Variants in ABHD12 observed in about 807,000 individuals in gnomAD.
ABHD12 encodes the protein lysophosphatidylserine lipase ABHD12.
A neutral mutation model predicts 58.3 loss-of-function variants in ABHD12; 43 were observed. That is an observed-to-expected ratio of 0.74 (90% CI 0.58 to 0.95). ABHD12 has a LOEUF of 0.95. ABHD12 is among the 40% of genes least tolerant of loss of function. The pLI is 0.00. For missense variants in ABHD12, 539 were observed against 537.2 expected, an observed-to-expected ratio of 1.00 and a Z score of -0.03; for synonymous variants, 219 against 211.2, an observed-to-expected ratio of 1.04 and a Z score of -0.32.
At chr20:25,390,188 G>T in intron 1 of ABHD12, 1 of 237,144 alleles carries the variant, frequency 4.2e-6, no homozygotes, top group Non-Finnish European at 8.0e-6. Flanking sequence ...GCGGCGCCAA[G>T]CCCCCAGCGT....
intron 1 of ABHD12, among the ~76,000 whole-genome samples, chr20:25,374,978 C>T (rs1320409222): frequency 6.6e-6 from 1 of 152,184 alleles, no homozygotes; most frequent in African/African-American, 2.4e-5. Context: ...ACCCCTAGCA[C>T]TTCAGAATAT....
intron 4 of ABHD12, among the ~76,000 whole-genome samples, chr20:25,319,060 C>T (rs2089017768): frequency 6.6e-6 from 1 of 152,238 alleles, no homozygotes; most frequent in Non-Finnish European, 1.5e-5. Flanking sequence ...ACCCTGGTGC[C>T]ACACGGGACC....
chr20:25,383,494 C>T (rs1359493896), intron 1 of ABHD12, among the ~76,000 whole-genome samples: 1 of 152,174 alleles, frequency 6.6e-6, no homozygotes, highest in Non-Finnish European at 1.5e-5. Flanking sequence ...TGCACATTCC[C>T]AACAATTCCA....
intron 1 of ABHD12, among the ~76,000 whole-genome samples, chr20:25,366,251 A>C (rs2089819389): frequency 6.6e-6 from 1 of 151,698 alleles, no homozygotes; most frequent in South Asian, 2.1e-4. Context: ...TCATATTACA[A>C]AGTCAAATTT....
intron 1 of ABHD12, among the ~76,000 whole-genome samples, chr20:25,378,063 G>T (rs1323048008): frequency 2.0e-5 from 3 of 152,152 alleles, no homozygotes; most frequent in African/African-American, 4.8e-5. Flanking sequence ...TCCAACACAT[G>T]AAATTTTCGG....
chr20:25,381,764 A>G (rs1453669291), intron 1 of ABHD12, among the ~76,000 whole-genome samples: 3 of 151,868 alleles, frequency 2.0e-5, no homozygotes, highest in Non-Finnish European at 2.9e-5. Context: ...TCAGCCTCCC[A>G]GGATTACAGG....
chr20:25,308,307 A>G, intron 8 of ABHD12, 150 bp downstream of exon 8: 2 of 988,772 alleles, frequency 2.0e-6, no homozygotes, highest in Non-Finnish European at 3.1e-6. Context: ...CCTCAGGTGT[A>G]TCATGGGAAG....
intron 1 of ABHD12, chr20:25,368,721 G>A: frequency 8.0e-7 from 1 of 1,250,692 alleles, no homozygotes; most frequent in Non-Finnish European, 1.2e-6. Flanking sequence ...CGCGGCCCAA[G>A]GGCTTGCCTT....
intron 1 of ABHD12, among the ~76,000 whole-genome samples, chr20:25,385,564 T>C (rs2090077980): frequency 6.6e-6 from 1 of 151,942 alleles, no homozygotes; most frequent in Non-Finnish European, 1.5e-5. Flanking sequence ...GAAACAGCAC[T>C]GGCTAGGGTG....
chr20:25,363,213 A>C (rs1232118818), intron 1 of ABHD12, among the ~76,000 whole-genome samples: 1 of 150,378 alleles, frequency 6.6e-6, no homozygotes, highest in Non-Finnish European at 1.5e-5. Flanking sequence ...AAAATGATTG[A>C]CATTTTACTT....
chr20:25,341,170 C>T (rs947359552), intron 1 of ABHD12, among the ~76,000 whole-genome samples: 9 of 152,200 alleles, frequency 5.9e-5, no homozygotes, highest in African/African-American at 2.2e-4. Flanking sequence ...CAAAGGATGG[C>T]GCCCGCACTT....
chr20:25,335,006 G>C (rs1199295760), intron 2 of ABHD12, among the ~76,000 whole-genome samples: 2 of 152,106 alleles, frequency 1.3e-5, no homozygotes, highest in Non-Finnish European at 2.9e-5. Flanking sequence ...ACTACCATCA[G>C]AGTGAATAGG....
downstream of ABHD12, chr20:25,296,478 C>G: frequency 4.3e-6 from 7 of 1,613,810 alleles, no homozygotes; most frequent in Non-Finnish European, 5.9e-6. Flanking sequence ...GGGTGTGGAG[C>G]CCTCCGACCT....
chr20:25,316,903 G>C (rs2088972380), intron 5 of ABHD12, 145 bp downstream of exon 5: 1 of 760,676 alleles, frequency 1.3e-6, no homozygotes, highest in South Asian at 1.5e-5. Flanking sequence ...CTCCAGCCTG[G>C]GCAACAGAGG....
At position 25,390,573 on chromosome 20, in the gene ABHD12, C is replaced by T. The variant is rs1233379837; in HGVS notation, c.131G>A (p.Gly44Asp). 1.4e-6 allele frequency: 2 copies of T among 1,479,838 alleles called. No homozygotes were observed. Among genetic ancestry groups the T allele is most frequent in the Non-Finnish European group, 1.8e-6 (2 of 1,122,372 alleles). 91.7% of individuals were successfully genotyped at this position (1,479,838 alleles called of 1,614,324 possible). The change falls in exon 1 of 13, where the codon GGC (glycine) becomes GAC (aspartate). Residue 44 changes from glycine to aspartate, a missense_variant. By Grantham distance (94) the Gly-to-Asp change is moderately conservative (BLOSUM62 -1). Transcript: ENST00000339157. ...CRLKQNLRLT[G>D]PAAAEPRCAA... ...GCAGCGCGGCTCAGCCGCCGCCGGG[C>T]CCGTCAGGCGTAGGTTCTGCTTCAG...
At chr20:25,322,226 T>C (rs1245868127) in intron 3 of ABHD12, among the ~76,000 whole-genome samples, 1 of 151,666 alleles carries the variant, frequency 6.6e-6, no homozygotes, top group Non-Finnish European at 1.5e-5. Flanking sequence ...ACAAGGCTTA[T>C]GTCCAGTGTA....
chr20:25,380,316 C>A (rs568056179), intron 1 of ABHD12, among the ~76,000 whole-genome samples: 1 of 152,094 alleles, frequency 6.6e-6, no homozygotes, highest in Non-Finnish European at 1.5e-5. Flanking sequence ...GGCTGGAATG[C>A]AATGGCGCGA....
intron 6 of ABHD12, among the ~76,000 whole-genome samples, chr20:25,313,728 G>A (rs1289989019): frequency 1.3e-5 from 2 of 152,256 alleles, no homozygotes; most frequent in East Asian, 3.9e-4. Context: ...GTTGCAGTGA[G>A]CTGAGATCAC....
At chr20:25,380,938 CATCTCAGT>C (rs2090014916) in intron 1 of ABHD12, among the ~76,000 whole-genome samples, 1 of 152,208 alleles carries the variant, frequency 6.6e-6, no homozygotes, top group African/African-American at 2.4e-5. Flanking sequence ...CATCTGTCCC[CATCTCAGT>C]ATCTGGCAAC....
Sources: allele counts gnomAD v4.1 joint callset (sites outside exome capture counted in the v4.1 genomes callset), GRCh38; gene constraint gnomAD v4.1.1; transcripts MANE v1.5; gene names NCBI Gene and HGNC (gene_info 2026-07-23, HGNC 2026-07-21).